STS: variants seen among roughly 807,000 people sequenced by gnomAD.
STS encodes steroid sulfatase, also known as steryl-sulfatase.
In STS, 7 loss-of-function variants were observed where a neutral mutation model predicts 26.8. That is an observed-to-expected ratio of 0.26 (90% confidence interval 0.15 to 0.49). The LOEUF (loss-of-function observed/expected upper bound fraction) is 0.49. Among genes scored for constraint, STS ranks in the 20% least tolerant of loss-of-function variants. STS has a pLI of 0.98. For missense variants in STS, 434 were observed against 465.6 expected, an observed-to-expected ratio of 0.93 and a Z score of 0.63; for synonymous variants, 199 against 189.4, an observed-to-expected ratio of 1.05 and a Z score of -0.42.
chrX:7,156,508 C>G (rs1210514799), intron 1 of STS, among the ~76,000 whole-genome samples: 1 of 111,277 alleles, frequency 9.0e-6, no homozygotes, highest in Non-Finnish European at 1.9e-5. Flanking sequence ...TGTATTAGTG[C>G]GTAAACAATA....
Position 7,334,005 on chromosome X carries a change from C to A in STS, c.1261C>A (p.Leu421Met), listed in dbSNP as rs1225206145. 8.3e-7 allele frequency: 1 copy of A among 1,211,365 alleles called. No individual in the cohort carries two copies. Among genetic ancestry groups the A allele is most frequent in the Non-Finnish European group, 1.1e-6 (1 of 895,308 alleles). The stretch of plus-strand genomic sequence containing the variant: ...CCACAGGATCATTGATGGACGTGAT[C>A]TGATGCCCCTGCTTGAAGGAAAAAG... ...PEDRIIDGRD[L>M]MPLLEGKSQR... The change falls in exon 10 of 11, where the codon CTG becomes ATG. Residue 421 changes from leucine to methionine, a missense_variant. Coordinates refer to ENST00000674429, the MANE Select transcript of STS (RefSeq NM_001320752.2).
intron 1 of STS, among the ~76,000 whole-genome samples, chrX:7,163,654 G>A (rs1933293336): frequency 1.8e-5 from 2 of 112,367 alleles, no homozygotes; most frequent in South Asian, 7.4e-4. Flanking sequence ...AGAAATGTAG[G>A]TTTGCAATCC....
intron 1 of STS, among the ~76,000 whole-genome samples, chrX:7,148,910 CTTTT>C (rs1222134630): frequency 2.8e-5 from 3 of 107,787 alleles, no homozygotes; most frequent in Non-Finnish European, 5.8e-5. Context: ...AGTTTTCTTT[CTTTT>C]TTAACTTTTC....
intron 2 of STS, among the ~76,000 whole-genome samples, chrX:7,243,829 C>T (rs770801003): frequency 3.6e-5 from 4 of 111,202 alleles, no homozygotes; most frequent in East Asian, 2.8e-4. Context: ...TTTGGGAGGC[C>T]GAGGCAGGTG....
intron 2 of STS, among the ~76,000 whole-genome samples, chrX:7,217,887 G>A (rs1026187360): frequency 2.4e-4 from 27 of 111,336 alleles, no homozygotes; most frequent in Admixed American, 2.0e-3. Flanking sequence ...CTATATTGGT[G>A]CAAATACCAA....
intron 10 of STS, among the ~76,000 whole-genome samples, chrX:7,347,705 C>T (rs187245326): frequency 2.7e-5 from 3 of 111,801 alleles, no homozygotes; most frequent in Non-Finnish European, 3.8e-5. Context: ...AAGTTCAAAA[C>T]GCCCTCTAGA....
chrX:7,267,658 C>T (rs1294697522), intron 6 of STS, among the ~76,000 whole-genome samples: 1 of 112,001 alleles, frequency 8.9e-6, no homozygotes, highest in African/African-American at 3.2e-5. Flanking sequence ...CCACTTCGAA[C>T]AGTAGATTTC....
intron 8 of STS, among the ~76,000 whole-genome samples, chrX:7,324,381 G>C (rs971388526): frequency 1.8e-5 from 2 of 111,209 alleles, no homozygotes; most frequent in Non-Finnish European, 3.8e-5. Flanking sequence ...TTTCTTATCA[G>C]ACTTTAAAAG....
chrX:7,248,676 GTTTT>G (rs1187680647), intron 2 of STS, among the ~76,000 whole-genome samples: 1 of 75,066 alleles, frequency 1.3e-5, no homozygotes, highest in Non-Finnish European at 2.8e-5. Flanking sequence ...AATTTTTCTT[GTTTT>G]TTTAAGATTT....
intron 8 of STS, among the ~76,000 whole-genome samples, chrX:7,310,458 C>T (rs12832053): frequency 6.3e-5 from 7 of 111,968 alleles, no homozygotes; most frequent in South Asian, 7.4e-4. Flanking sequence ...CTTGAGAAGA[C>T]GCTTCATTCT....
chrX:7,246,262 CTTTT>C, intron 2 of STS, among the ~76,000 whole-genome samples: 1 of 95,763 alleles, frequency 1.0e-5, no homozygotes. Flanking sequence ...TTGGGAGAGA[CTTTT>C]TTTTTTTTTT....
At chrX:7,326,873 T>C (rs961818627) in intron 9 of STS, among the ~76,000 whole-genome samples, 1 of 111,726 alleles carries the variant, frequency 9.0e-6, no homozygotes, top group Non-Finnish European at 1.9e-5. Flanking sequence ...CCTTGTTTCC[T>C]TACTGGTTTC....
chrX:7,242,343 A>G (rs1922660998), intron 2 of STS, among the ~76,000 whole-genome samples: 1 of 110,633 alleles, frequency 9.0e-6, no homozygotes, highest in Admixed American at 9.7e-5. Flanking sequence ...TTATTAAATA[A>G]CTATAATGAA....
At chrX:7,326,651 T>C (rs1338328188) in intron 9 of STS, among the ~76,000 whole-genome samples, 2 of 112,696 alleles carry the variant, frequency 1.8e-5, no homozygotes, top group Non-Finnish European at 3.7e-5. Context: ...CTAAGTGTTA[T>C]TACCAATCTG....
chrX:7,215,788 G>A (rs1427024824), intron 2 of STS, among the ~76,000 whole-genome samples: 1 of 111,916 alleles, frequency 8.9e-6, no homozygotes, highest in African/African-American at 3.2e-5. Context: ...CAAGCTCTGG[G>A]ATCACTCCTT....
chrX:7,242,314 A>T (rs1477803886), intron 2 of STS, among the ~76,000 whole-genome samples: 1 of 110,776 alleles, frequency 9.0e-6, no homozygotes, highest in Non-Finnish European at 1.9e-5. Flanking sequence ...TAACTTTATA[A>T]GTTAATAATA....
intron 10 of STS, among the ~76,000 whole-genome samples, chrX:7,347,554 G>A (rs752514797): frequency 2.3e-4 from 26 of 111,764 alleles, no homozygotes; most frequent in Middle Eastern, 4.6e-3. Context: ...ACCTGAGGAG[G>A]ATTGTGCTCT....
chrX:7,175,909 T>G (rs1176121978), intron 1 of STS, among the ~76,000 whole-genome samples: 2 of 111,261 alleles, frequency 1.8e-5, no homozygotes, highest in African/African-American at 6.6e-5. Context: ...CCATCATTAC[T>G]GCCTTTCAGC....
chrX:7,279,401 ATG>A (rs1244711936), intron 7 of STS, among the ~76,000 whole-genome samples: 1 of 50,281 alleles, frequency 2.0e-5, no homozygotes, highest in African/African-American at 9.5e-5. Context: ...GTGTATATAT[ATG>A]TGTGTGTGTC....
Sources: allele counts gnomAD v4.1 joint callset (sites outside exome capture counted in the v4.1 genomes callset), GRCh38; gene constraint gnomAD v4.1.1; transcripts MANE v1.5; gene names NCBI Gene and HGNC (gene_info 2026-07-23, HGNC 2026-07-21).